The following SORCS3 variants were observed in gnomAD, a reference collection of about 807,000 sequenced individuals.
SORCS3 encodes VPS10 domain-containing receptor SorCS3.
A neutral mutation model predicts 146.3 loss-of-function variants in SORCS3; 57 were observed. The ratio of observed to expected loss-of-function variants is 0.39; its 90% CI spans 0.31 to 0.49. SORCS3 has a LOEUF of 0.49. SORCS3 is among the 20% of genes least tolerant of loss of function. The pLI is 0.92. For synonymous variants in SORCS3, 653 were observed against 618.5 expected (o/e 1.06, Z -0.83); for missense variants, 1,341 against 1,575.5 (o/e 0.85, Z 2.52).
At chr10:105,002,947 G>A (rs952022225) in intron 4 of SORCS3, among the ~76,000 whole-genome samples, 1 of 152,182 alleles carries the variant, frequency 6.6e-6, no homozygotes. Context: ...TTTGTATTAA[G>A]TAATGTAATA....
At chr10:104,900,573 C>T (rs577602701) in intron 2 of SORCS3, among the ~76,000 whole-genome samples, 2 of 152,244 alleles carry the variant, frequency 1.3e-5, no homozygotes, top group African/African-American at 4.8e-5. Flanking sequence ...CTGATCTGAA[C>T]TTATCCCCTC....
intron 14 of SORCS3, among the ~76,000 whole-genome samples, chr10:105,188,161 T>C (rs1028589482): frequency 3.7e-4 from 57 of 152,144 alleles, no homozygotes; most frequent in African/African-American, 1.3e-3. Flanking sequence ...TGAGAAAGAA[T>C]AACATGCCAA....
At chr10:104,909,371 C>T (rs1217132314) in intron 2 of SORCS3, among the ~76,000 whole-genome samples, 1 of 152,108 alleles carries the variant, frequency 6.6e-6, no homozygotes, top group East Asian at 1.9e-4. Flanking sequence ...ATGAGCCAAA[C>T]ATGGCAACGC....
intron 1 of SORCS3, among the ~76,000 whole-genome samples, chr10:104,839,611 A>T (rs567752182): frequency 3.9e-5 from 6 of 152,182 alleles, no homozygotes; most frequent in African/African-American, 1.4e-4. Flanking sequence ...TATGAATTTC[A>T]TCCATTGGCG....
At chr10:104,921,905 T>C (rs1332634500) in intron 3 of SORCS3, among the ~76,000 whole-genome samples, 1 of 152,160 alleles carries the variant, frequency 6.6e-6, no homozygotes, top group Non-Finnish European at 1.5e-5. Context: ...ATTAGCAGTT[T>C]CTTGGAGGAG....
At chr10:104,719,005 C>T (rs561327001) in intron 1 of SORCS3, among the ~76,000 whole-genome samples, 1 of 152,124 alleles carries the variant, frequency 6.6e-6, no homozygotes, top group Admixed American at 6.5e-5. Context: ...GAAAAAGAAA[C>T]AAGTGAAATT....
At chr10:104,670,321 G>C (rs1398512177) in intron 1 of SORCS3, among the ~76,000 whole-genome samples, 3 of 151,998 alleles carry the variant, frequency 2.0e-5, no homozygotes, top group African/African-American at 7.2e-5. Context: ...TTTCTTCTAA[G>C]AGCATTATGG....
At chr10:104,684,957 A>G (rs905624314) in intron 1 of SORCS3, among the ~76,000 whole-genome samples, 1 of 151,552 alleles carries the variant, frequency 6.6e-6, no homozygotes, top group Non-Finnish European at 1.5e-5. Context: ...AGCTGGAACT[A>G]CAGGTGACTA....
intron 1 of SORCS3, among the ~76,000 whole-genome samples, chr10:104,703,835 C>T (rs1373815390): frequency 6.6e-6 from 1 of 151,554 alleles, no homozygotes; most frequent in Non-Finnish European, 1.5e-5. Context: ...GGTTCCAAAC[C>T]TGAGGAGATT....
chr10:104,894,468 G>C (rs1454096517), intron 2 of SORCS3, among the ~76,000 whole-genome samples: 1 of 152,190 alleles, frequency 6.6e-6, no homozygotes, highest in Non-Finnish European at 1.5e-5. Flanking sequence ...CTCCTTAGCT[G>C]TGCTTTAGCA....
intron 4 of SORCS3, among the ~76,000 whole-genome samples, chr10:104,997,515 A>G (rs1180592323): frequency 1.3e-5 from 2 of 152,170 alleles, no homozygotes; most frequent in Admixed American, 6.5e-5. Context: ...CTCTGCTGTT[A>G]TAATCATTGG....
At chr10:104,966,665 G>C (rs2054827987) in intron 3 of SORCS3, among the ~76,000 whole-genome samples, 1 of 152,088 alleles carries the variant, frequency 6.6e-6, no homozygotes, top group Non-Finnish European at 1.5e-5. Flanking sequence ...AATAGAATAG[G>C]CAACTGAATA....
intron 5 of SORCS3, among the ~76,000 whole-genome samples, chr10:105,086,262 A>G (rs1378312021): frequency 6.6e-6 from 1 of 152,202 alleles, no homozygotes; most frequent in African/African-American, 2.4e-5. Flanking sequence ...ACATAGCTGG[A>G]GTCAGGTAGA....
intron 1 of SORCS3, among the ~76,000 whole-genome samples, chr10:104,642,937 C>A (rs1024193984): frequency 6.6e-6 from 1 of 152,238 alleles, no homozygotes; most frequent in South Asian, 2.1e-4. Flanking sequence ...TGCAGCGGCC[C>A]GCAGCGCGTG....
intron 1 of SORCS3, among the ~76,000 whole-genome samples, chr10:104,729,158 A>G (rs1240521556): frequency 6.6e-6 from 1 of 152,258 alleles, no homozygotes; most frequent in Non-Finnish European, 1.5e-5. Flanking sequence ...AACTTTGGAA[A>G]AGCAAATAGT....
At chr10:105,003,257 A>G (rs577713448) in intron 4 of SORCS3, among the ~76,000 whole-genome samples, 10 of 152,226 alleles carry the variant, frequency 6.6e-5, no homozygotes, top group Non-Finnish European at 8.8e-5. Context: ...CAAGGAATTT[A>G]GAGAAACTCT....
chr10:105,241,816 A>G (rs539497381), intron 20 of SORCS3, among the ~76,000 whole-genome samples: 1 of 152,140 alleles, frequency 6.6e-6, no homozygotes, highest in Non-Finnish European at 1.5e-5. Context: ...TTGTGTGCTG[A>G]CTGGTTTGTG....
At chr10:104,768,539 T>C (rs2017209102) in intron 1 of SORCS3, among the ~76,000 whole-genome samples, 1 of 152,204 alleles carries the variant, frequency 6.6e-6, no homozygotes, top group Admixed American at 6.5e-5. Context: ...AAAAAGATTT[T>C]TTTCTGTCTA....
chr10:104,669,158 C>T (rs189975770), intron 1 of SORCS3, among the ~76,000 whole-genome samples: 108 of 152,266 alleles, frequency 7.1e-4, no homozygotes, highest in Admixed American at 7.0e-3. Context: ...TGCTTTTTCC[C>T]TTCAGCATGT....
Sources: gnomAD v4.1 joint callset for allele counts (sites outside exome capture counted in the v4.1 genomes callset) on GRCh38, gnomAD v4.1.1 for gene constraint, MANE v1.5 for transcripts, NCBI Gene and HGNC (gene_info 2026-07-23, HGNC 2026-07-21) for gene names.